Variants in SYT17 observed in about 807,000 individuals in gnomAD.
The protein encoded by SYT17 is synaptotagmin 17.
SYT17 carries 22 observed loss-of-function variants against 46.7 expected under a neutral mutation model. That is an observed-to-expected ratio of 0.47 (90% CI 0.34 to 0.67). The LOEUF (loss-of-function observed/expected upper bound fraction) is 0.67, where lower values mean the gene tolerates loss of function less well. Ranked by LOEUF, SYT17 falls within the 30% of genes least tolerant of loss-of-function variation. The probability of loss-of-function intolerance (pLI) is 0.01; values close to 1 mark genes in which losing one functional copy is unlikely to be tolerated. For missense variants in SYT17, 519 were observed against 612.8 expected, an observed-to-expected ratio of 0.85 and a Z score of 1.62; for synonymous variants, 251 against 248.4, an observed-to-expected ratio of 1.01 and a Z score of -0.10.
chr16:19,206,018 AAG>A (rs1965658205), intron 5 of SYT17, among the ~76,000 whole-genome samples: 1 of 152,370 alleles, frequency 6.6e-6, no homozygotes, highest in African/African-American at 2.4e-5. Context: ...GGAAAGGAGA[AAG>A]AGAAAAAAAG....
At chr16:19,249,856 G>A in intron 7 of SYT17, 9 of 1,406,996 alleles carry the variant, frequency 6.4e-6, no homozygotes, top group Non-Finnish European at 7.6e-6. Flanking sequence ...GGAGTCACTG[G>A]GGGCTCCATA....
At chr16:19,172,612 A>T in intron 1 of SYT17, 148 bp from the exon 2 acceptor site, 3 of 1,531,234 alleles carry the variant, frequency 2.0e-6, no homozygotes, top group Non-Finnish European at 2.6e-6. Context: ...CCTTCCCAGG[A>T]TGGTAAGTGG....
chr16:19,241,245 C>G (rs531001581), intron 7 of SYT17, among the ~76,000 whole-genome samples: 1 of 152,018 alleles, frequency 6.6e-6, no homozygotes, highest in Non-Finnish European at 1.5e-5. Context: ...CCGCGCCCGG[C>G]CCCCTAGGCT....
intron 7 of SYT17, among the ~76,000 whole-genome samples, chr16:19,242,532 A>C (rs1967208362): frequency 6.6e-6 from 1 of 152,072 alleles, no homozygotes; most frequent in African/African-American, 2.4e-5. Flanking sequence ...TTAATTAAAA[A>C]AATTTTTTTT....
intron 2 of SYT17, chr16:19,173,138 T>C: frequency 1.9e-6 from 1 of 535,808 alleles, no homozygotes; most frequent in Non-Finnish European, 3.3e-6. Flanking sequence ...CACCCACATG[T>C]CAAGAAAGAC....
In SYT17 at chr16:19,184,127, G is replaced by T; in HGVS notation, c.931G>T (p.Ala311Ser). 1.9e-6 allele frequency: 3 copies of T among 1,613,742 alleles called. No homozygotes were observed. Among genetic ancestry groups the T allele is most frequent in the Non-Finnish European group, 2.5e-6 (3 of 1,179,664 alleles). The stretch of plus-strand genomic sequence containing the variant: ...GGTCAAGGGCGGGCACTGGTGGAAG[G>T]CGCTGATTCCCAGTTCTCAGGTAAG... ...DLVKGGHWWK[A>S]LIPSSQNEVE... The change falls in exon 5 of 8, where the codon GCG (alanine) becomes TCG (serine). Residue 311 changes from alanine (A) to serine (S), a missense_variant. Ala to Ser is a moderately conservative substitution (Grantham distance 99). Coordinates refer to ENST00000355377, the MANE Select transcript of SYT17 (RefSeq NM_016524.4).
intron 7 of SYT17, among the ~76,000 whole-genome samples, chr16:19,246,432 A>G (rs534676473): frequency 6.6e-6 from 1 of 152,356 alleles, no homozygotes; most frequent in South Asian, 2.1e-4. Context: ...CTTATATATT[A>G]TTCAAATATC....
chr16:19,203,675 C>T (rs994268360), intron 5 of SYT17, among the ~76,000 whole-genome samples: 7 of 152,232 alleles, frequency 4.6e-5, no homozygotes, highest in Non-Finnish European at 8.8e-5. Flanking sequence ...TGGTTCCCTC[C>T]GCTGCAGGGA....
At chr16:19,248,854 G>T (rs899065754) in intron 7 of SYT17, among the ~76,000 whole-genome samples, 2 of 151,874 alleles carry the variant, frequency 1.3e-5, no homozygotes, top group Admixed American at 1.3e-4. Context: ...ATATTACTCA[G>T]CAGTAAAAAG....
intron 7 of SYT17, among the ~76,000 whole-genome samples, chr16:19,228,932 G>A (rs968748645): frequency 4.6e-5 from 7 of 152,226 alleles, no homozygotes; most frequent in Non-Finnish European, 1.0e-4. Flanking sequence ...CCTGTAATTA[G>A]CTGGTAAGCT....
chr16:19,168,399 T>A lies in SYT17; in HGVS notation c.-248T>A. The stretch of plus-strand genomic sequence containing the variant: ...GCGAGGGAGGCCGAGGCGGGGGCCC[T>A]GGGCGCCCGATATCTCCGAACCGGG... On this transcript the variant is annotated 5_prime_UTR_variant, in exon 1 of 8. Transcript: ENST00000355377. The surrounding 1 kb of genome is among the most constrained non-coding windows in gnomAD (Gnocchi z 6.9). 1 of 562,912 alleles carries A rather than the reference T, an allele frequency of 1.8e-6. No individual in the cohort carries two copies. The highest frequency in any genetic ancestry group is 3.1e-6 in the Non-Finnish European group (1 of 323,324). 34.9% of individuals were successfully genotyped at this position (562,912 alleles called of 1,614,324 possible).
At chr16:19,228,651 A>G (rs1202003136) in intron 7 of SYT17, among the ~76,000 whole-genome samples, 2 of 152,220 alleles carry the variant, frequency 1.3e-5, no homozygotes, top group African/African-American at 2.4e-5. Context: ...GTGAGTGGAA[A>G]TCCCAGCTAG....
At chr16:19,216,112 A>G (rs1269444768) in intron 5 of SYT17, among the ~76,000 whole-genome samples, 2 of 152,196 alleles carry the variant, frequency 1.3e-5, no homozygotes, top group Non-Finnish European at 2.9e-5. Flanking sequence ...ATCAACTTTT[A>G]TATAATAATA....
At chr16:19,187,065 T>C (rs891558127) in intron 5 of SYT17, among the ~76,000 whole-genome samples, 1 of 152,114 alleles carries the variant, frequency 6.6e-6, no homozygotes, top group Non-Finnish European at 1.5e-5. Flanking sequence ...AACAGGGTCT[T>C]GCTCAGTCGC....
intron 5 of SYT17, among the ~76,000 whole-genome samples, chr16:19,220,082 T>G (rs1219041597): frequency 6.6e-6 from 1 of 152,092 alleles, no homozygotes; most frequent in African/African-American, 2.4e-5. Context: ...CAAAAGGGGC[T>G]GAACTTCTTT....
At chr16:19,255,062 C>T (rs987299320) in intron 7 of SYT17, among the ~76,000 whole-genome samples, 1 of 152,214 alleles carries the variant, frequency 6.6e-6, no homozygotes, top group African/African-American at 2.4e-5. Context: ...CCCCGTTTCT[C>T]TCCCCTTAAA....
In SYT17 at chr16:19,168,651, C is replaced by T; in HGVS notation, c.5C>T (p.Ala2Val). Residue 2 changes from alanine (A) to valine (V), a missense_variant, in exon 1 of 8, where the codon GCG (alanine) becomes GTG (valine). Physicochemically the swap from Ala to Val is moderately conservative, Grantham distance 64. Coordinates refer to ENST00000355377, the MANE Select transcript of SYT17 (RefSeq NM_016524.4). This position sits in a 1 kb window ranked among gnomAD's most constrained non-coding sequence, Gnocchi z 6.9. Reference protein sequence around the residue: MAYIQLEPLNEG... With the variant: MVYIQLEPLNEG... ...AGTGAGTGCGCGCGGGCGAAAATGG[C>T]GTACATCCAGGTAGGGCTGAGGCTG... 1.3e-6 allele frequency: 2 copies of T among 1,536,290 alleles called. No homozygotes were observed. Among genetic ancestry groups the T allele is most frequent in the East Asian group, 2.6e-5 (1 of 38,402 alleles).
chr16:19,196,500 C>T (rs985658760), intron 5 of SYT17, among the ~76,000 whole-genome samples: 2 of 152,086 alleles, frequency 1.3e-5, no homozygotes, highest in African/African-American at 4.8e-5. Flanking sequence ...GCCTTGGCCT[C>T]CCAAAGTGTT....
Position 19,168,631 on chromosome 16 carries a change from G to A in SYT17, c.-16G>A. 3.2e-6 allele frequency: 5 copies of A among 1,539,444 alleles called. No homozygotes were observed. Among genetic ancestry groups the A allele is most frequent in the Non-Finnish European group, 4.4e-6 (5 of 1,141,188 alleles). On this transcript the variant is annotated 5_prime_UTR_variant, in exon 1 of 8. The change creates a new upstream start codon in the 5' untranslated region. Transcript: ENST00000355377. This position sits in a 1 kb window ranked among gnomAD's most constrained non-coding sequence, Gnocchi z 6.9. Reference sequence around the variant, plus strand: ...CGGCGCCATGCCCGGGCCGGAGTGAGTGCGCGCGGGCGAAAATGGCGTACA... The same window carrying A: ...CGGCGCCATGCCCGGGCCGGAGTGAATGCGCGCGGGCGAAAATGGCGTACA...
Sources: gnomAD v4.1 joint callset for allele counts (sites outside exome capture counted in the v4.1 genomes callset) on GRCh38, gnomAD v4.1.1 for gene constraint, Gnocchi (gnomAD v3.1) non-coding constraint, MANE v1.5 for transcripts, NCBI Gene and HGNC (gene_info 2026-07-23, HGNC 2026-07-21) for gene names.